Variants in ERC1 observed in about 807,000 individuals in gnomAD.
ERC1 encodes RAB6 interacting protein 2.
A neutral mutation model predicts 132.0 loss-of-function variants in ERC1; 56 were observed. The ratio of observed to expected loss-of-function variants is 0.42; its 90% CI spans 0.34 to 0.53. The LOEUF is 0.53. Ranked by LOEUF, ERC1 falls within the 20% of genes least tolerant of loss-of-function variation. The probability of loss-of-function intolerance (pLI) is 0.03; values close to 1 mark genes in which losing one functional copy is unlikely to be tolerated. For missense variants in ERC1, 1,202 were observed against 1,349.9 expected, an observed-to-expected ratio of 0.89 and a Z score of 1.72; for synonymous variants, 478 against 476.1, an observed-to-expected ratio of 1.00 and a Z score of -0.05.
intron 8 of ERC1, among the ~76,000 whole-genome samples, chr12:1,164,053 G>C (rs1952125843): frequency 6.6e-6 from 1 of 152,082 alleles, no homozygotes; most frequent in Non-Finnish European, 1.5e-5. Flanking sequence ...CAGGTGCCTT[G>C]GGTTCCTCGT....
At chr12:1,459,500 A>G (rs747947959) in intron 18 of ERC1, among the ~76,000 whole-genome samples, 1 of 152,192 alleles carries the variant, frequency 6.6e-6, no homozygotes, top group Non-Finnish European at 1.5e-5. Flanking sequence ...GAACAAGTAA[A>G]TGGGGGAGAA....
intron 15 of ERC1, among the ~76,000 whole-genome samples, chr12:1,309,869 C>CA (rs2081162097): frequency 6.6e-6 from 1 of 152,072 alleles, no homozygotes. Context: ...CTCAGTTACT[C>CA]AGTTTCCTCG....
intron 13 of ERC1, among the ~76,000 whole-genome samples, chr12:1,238,161 C>T (rs2075555576): frequency 1.4e-5 from 2 of 143,738 alleles, no homozygotes; most frequent in Admixed American, 7.0e-5. Flanking sequence ...GTTCTTCCTC[C>T]TTTTTTTTTT....
At chr12:1,312,968 G>A (rs1370331213) in intron 15 of ERC1, among the ~76,000 whole-genome samples, 2 of 151,972 alleles carry the variant, frequency 1.3e-5, no homozygotes, top group Non-Finnish European at 2.9e-5. Flanking sequence ...GGTTCTCTTA[G>A]TTCATTTTTA....
At position 1,418,571 on chromosome 12, in the gene ERC1, TTCTTTCTTTCTTTCTTTC is replaced by T. The variant is rs1357954877; in HGVS notation, c.3024+10344_3024+10361del. 2.3e-3 allele frequency among the ~76,000 whole-genome samples: 291 copies of T among 125,236 alleles called. 2 individuals are homozygous for T. Among genetic ancestry groups the T allele is most frequent in the African/African-American group, 3.1e-3 (105 of 33,528 alleles). 82.2% of individuals were successfully genotyped at this position (125,236 alleles called of 152,430 possible). A position where few individuals can be genotyped will look rare whatever the true frequency, so the allele number is the denominator to read the frequency against. ...TTCTTTTCTGAAGTCTTCATTTTCT[TTCTTTCTTTCTTTCTTTC>T]TCTTTCTTTCTTTCTTTCTTTCTTT... On this transcript the variant is annotated intron_variant, in intron 17 of 18. Coordinates refer to ENST00000360905, the MANE Select transcript of ERC1 (RefSeq NM_178040.4).
chr12:1,156,676 T>C (rs1008131814), intron 8 of ERC1, among the ~76,000 whole-genome samples: 2 of 152,230 alleles, frequency 1.3e-5, no homozygotes, highest in African/African-American at 4.8e-5. Context: ...AATGTTTTTT[T>C]GCACAGTTTC....
intron 17 of ERC1, among the ~76,000 whole-genome samples, chr12:1,438,954 A>AAAAAATATATATATATATATATATAT (rs1015181197): frequency 2.1e-5 from 3 of 143,488 alleles, no homozygotes; most frequent in African/African-American, 7.9e-5. Context: ...TTTAAAAAAA[A>AAAAAATATATATATATATATATATAT]ATATATATAT....
At chr12:1,347,737 A>C (rs1247784223) in intron 15 of ERC1, among the ~76,000 whole-genome samples, 3 of 152,258 alleles carry the variant, frequency 2.0e-5, no homozygotes, top group Non-Finnish European at 4.4e-5. Context: ...TAATCCCAGC[A>C]CTTGGGAGAC....
At chr12:1,397,847 T>G (rs2154385667) in intron 16 of ERC1, among the ~76,000 whole-genome samples, 1 of 152,262 alleles carries the variant, frequency 6.6e-6, no homozygotes, top group East Asian at 1.9e-4. Context: ...TCCTTGAAAT[T>G]TAAAAACAAA....
chr12:1,252,231 G>A (rs917838009), intron 13 of ERC1, among the ~76,000 whole-genome samples: 1 of 152,082 alleles, frequency 6.6e-6, no homozygotes, highest in African/African-American at 2.4e-5. Context: ...TGCTAATCCT[G>A]TTATTTTTTA....
chr12:1,189,781 A>G (rs1955518753), intron 11 of ERC1, 78 bp from the exon 12 acceptor site: 2 of 1,139,758 alleles, frequency 1.8e-6, no homozygotes, highest in South Asian at 1.9e-5. Context: ...AAATTGGAAT[A>G]TAAATCATTG....
chr12:1,056,172 T>G (rs1176292628), intron 2 of ERC1, among the ~76,000 whole-genome samples: 1 of 152,024 alleles, frequency 6.6e-6, no homozygotes, highest in Non-Finnish European at 1.5e-5. Flanking sequence ...TTCATAGGAT[T>G]ATTAATTTTT....
chr12:1,277,005 A>G (rs1441391395), intron 14 of ERC1, among the ~76,000 whole-genome samples: 4 of 152,226 alleles, frequency 2.6e-5, no homozygotes, highest in African/African-American at 9.6e-5. Context: ...ATTAGAATAG[A>G]TATTTATGTG....
intron 17 of ERC1, among the ~76,000 whole-genome samples, chr12:1,435,008 T>C (rs896952240): frequency 6.6e-6 from 1 of 152,168 alleles, no homozygotes; most frequent in Non-Finnish European, 1.5e-5. Context: ...AGGAAGTTGG[T>C]AGAGAAAGCC....
Position 1,224,251 on chromosome 12 carries a change from G to GCA in ERC1, c.2352-12508_2352-12507dup, listed in dbSNP as rs972627173. Among the ~76,000 whole-genome samples the GCA allele has an allele frequency of 2.6e-5, 4 of 151,986 alleles. 1 individual carries two copies. Among genetic ancestry groups the GCA allele is most frequent in the African/African-American group, 4.8e-5 (2 of 41,376 alleles). On this transcript the variant is annotated intron_variant, in intron 12 of 18. Coordinates refer to ENST00000360905, the MANE Select transcript of ERC1 (RefSeq NM_178040.4). The stretch of plus-strand genomic sequence containing the variant: ...CATACATTCATAAAACCATGTGCAT[G>GCA]CACACACACACGTACACAGACAGAC...
At chr12:1,308,136 A>G (rs2154348484) in intron 15 of ERC1, among the ~76,000 whole-genome samples, 1 of 152,290 alleles carries the variant, frequency 6.6e-6, no homozygotes, top group East Asian at 1.9e-4. Flanking sequence ...TAGAGGCGAG[A>G]GGAGAATCAG....
intron 12 of ERC1, among the ~76,000 whole-genome samples, chr12:1,226,663 A>G (rs1003607130): frequency 1.3e-5 from 2 of 152,066 alleles, no homozygotes. Context: ...CATTCATATC[A>G]CAAGTGGCAG....
intron 14 of ERC1, among the ~76,000 whole-genome samples, chr12:1,275,682 C>T (rs776151010): frequency 4.6e-5 from 7 of 151,996 alleles, no homozygotes; most frequent in African/African-American, 1.2e-4. Context: ...CTTCTTATCA[C>T]GAGGATCTTT....
rs576374478 is a variant in ERC1, at chr12:1,071,669, C to A, written c.670-11495C>A. Reference sequence around the variant, plus strand: ...TGGTCTCTTTCTTTTTAAAATTTTTCCTCATCACTCTTTCCATATGATACA... The same window carrying A: ...TGGTCTCTTTCTTTTTAAAATTTTTACTCATCACTCTTTCCATATGATACA... On this transcript the variant is annotated intron_variant, in intron 2 of 18. Coordinates refer to ENST00000360905, the MANE Select transcript of ERC1 (RefSeq NM_178040.4). 2.6e-5 allele frequency among the ~76,000 whole-genome samples: 4 copies of A among 151,796 alleles called. No homozygotes were observed. The South Asian group carries it at 8.3e-4, about 32-fold the overall frequency.
Sources: gnomAD v4.1 joint callset for allele counts (sites outside exome capture counted in the v4.1 genomes callset) on GRCh38, gnomAD v4.1.1 for gene constraint, MANE v1.5 for transcripts, NCBI Gene and HGNC (gene_info 2026-07-23, HGNC 2026-07-21) for gene names.